TNRC6A: variants seen among roughly 807,000 people sequenced by gnomAD.
TNRC6A encodes the protein trinucleotide repeat-containing gene 6A protein.
TNRC6A carries 44 observed loss-of-function variants against 221.2 expected under a neutral mutation model. The ratio of observed to expected loss-of-function variants is 0.20; its 90% CI spans 0.16 to 0.26. The LOEUF (loss-of-function observed/expected upper bound fraction) is 0.26, where lower values mean the gene tolerates loss of function less well. Among genes scored for constraint, TNRC6A ranks in the 10% least tolerant of loss-of-function variants. The probability of loss-of-function intolerance (pLI) is 1.00; values close to 1 mark genes in which losing one functional copy is unlikely to be tolerated. For synonymous variants in TNRC6A, 847 were observed against 838.5 expected (o/e 1.01, Z -0.18); for missense variants, 2,199 against 2,404.4 (o/e 0.91, Z 1.79).
chr16:24,819,460 G>C (rs1366296993), intron 21 of TNRC6A: 3 of 145,836 alleles, frequency 2.1e-5, no homozygotes, highest in African/African-American at 5.1e-5. Context: ...TTCTCTCTCT[G>C]TCTTTCCTTC....
chr16:24,817,254 ATTAAT>A (rs937445178), intron 20 of TNRC6A, among the ~76,000 whole-genome samples: 1 of 152,196 alleles, frequency 6.6e-6, no homozygotes, highest in Non-Finnish European at 1.5e-5. Context: ...AAATATATAT[ATTAAT>A]TTAATAAGTT....
At chr16:24,613,264 A>G (rs566678293) in intron 1 of TNRC6A, among the ~76,000 whole-genome samples, 1 of 151,724 alleles carries the variant, frequency 6.6e-6, no homozygotes, top group East Asian at 1.9e-4. Flanking sequence ...GTAAGGGTCA[A>G]CCAGGTGGCG....
intron 2 of TNRC6A, among the ~76,000 whole-genome samples, chr16:24,689,455 T>A (rs72768634): frequency 0.023 from 3,439 of 152,306 alleles, 87 homozygotes; most frequent in Non-Finnish European, 0.032. Flanking sequence ...CGCACATTGA[T>A]GAGAATTCTT....
intron 2 of TNRC6A, among the ~76,000 whole-genome samples, chr16:24,694,774 A>T (rs2055825423): frequency 6.6e-6 from 1 of 150,930 alleles, no homozygotes; most frequent in Admixed American, 6.6e-5. Context: ...TCTCTACAAA[A>T]ATGTAAAAAT....
intron 2 of TNRC6A, among the ~76,000 whole-genome samples, chr16:24,705,333 A>T (rs984470899): frequency 4.2e-5 from 6 of 143,392 alleles, no homozygotes; most frequent in Non-Finnish European, 7.7e-5. Context: ...TATTAGATGA[A>T]TTTTTTTTTT....
chr16:24,736,640 T>A (rs2056774904), intron 2 of TNRC6A, among the ~76,000 whole-genome samples: 1 of 152,238 alleles, frequency 6.6e-6, no homozygotes, highest in African/African-American at 2.4e-5. Flanking sequence ...AGGTTCAGGT[T>A]GACCCTTTTT....
At chr16:24,798,149 A>C (rs1422531779) in intron 11 of TNRC6A, 183 bp downstream of exon 11, 3 of 456,948 alleles carry the variant, frequency 6.6e-6, no homozygotes, top group Non-Finnish European at 1.2e-5. Context: ...TGTGCAGATC[A>C]GTGGTGATAT....
intron 2 of TNRC6A, among the ~76,000 whole-genome samples, chr16:24,714,193 A>G (rs1369761853): frequency 6.7e-6 from 1 of 149,866 alleles, no homozygotes; most frequent in Non-Finnish European, 1.5e-5. Flanking sequence ...TGATCTGTTC[A>G]TTTCACATTG....
At chr16:24,699,852 A>C (rs1395497564) in intron 2 of TNRC6A, among the ~76,000 whole-genome samples, 1 of 152,130 alleles carries the variant, frequency 6.6e-6, no homozygotes, top group East Asian at 1.9e-4. Context: ...GAGGGGTAAG[A>C]ATTATTAATT....
intron 3 of TNRC6A, among the ~76,000 whole-genome samples, chr16:24,756,641 A>G (rs1217355289): frequency 6.6e-6 from 1 of 152,182 alleles, no homozygotes; most frequent in Non-Finnish European, 1.5e-5. Context: ...CTAAAAGAGC[A>G]ACATGGTATA....
At position 24,809,218 on chromosome 16, in the gene TNRC6A, TA is replaced by T. The variant is rs544208599; in HGVS notation, c.4541-129del. 154 of 798,548 alleles carry T rather than the reference TA, an allele frequency of 1.9e-4. 1 individual carries two copies. In the African/African-American group the frequency reaches 2.5e-3, roughly 13 times the overall value. The allele number at this position is 798,548 out of a possible 1,614,324, so 49.5% of individuals were successfully genotyped here. ...TGGAGAAATATTTTCTACGTATAAC[TA>T]AATTATAGTATTAACAGTTATGTGG... On this transcript the variant is annotated intron_variant, in intron 17 of 24. Transcript: ENST00000395799.
chr16:24,752,859 A>G (rs2057167951), intron 3 of TNRC6A, among the ~76,000 whole-genome samples: 1 of 152,154 alleles, frequency 6.6e-6, no homozygotes, highest in Non-Finnish European at 1.5e-5. Context: ...ATAAGTCAGA[A>G]TGTATGTGAA....
At position 24,789,833 on chromosome 16, in the gene TNRC6A, T is replaced by G. The variant is rs760837190; in HGVS notation, c.1191T>G (p.Thr397=). 3.7e-6 allele frequency: 6 copies of G among 1,614,072 alleles called. No individual in the cohort carries two copies. The African/African-American group carries it at 8.0e-5, about 22-fold the overall frequency. The change falls in exon 6 of 25, where the codon ACT becomes ACG. Residue 397 remains threonine (T), a synonymous_variant. Transcript: ENST00000395799. ...GSSGINIQCS[T]IGQMPNNQSI... ...CTGGCATTAATATTCAGTGCAGTAC[T>G]ATAGGCCAGATGCCTAACAATCAGA... is the stretch of plus-strand genomic sequence containing the variant.
rs1440009295 is a variant in TNRC6A, at chr16:24,824,077, A to G, written c.*270A>G. The G allele has an allele frequency of 4.2e-6, 1 of 235,400 alleles. No individual in the cohort carries two copies. Among genetic ancestry groups the G allele is most frequent in the Non-Finnish European group, 7.9e-6 (1 of 126,606 alleles). The allele number at this position is 235,400 out of a possible 1,614,324, so 14.6% of individuals were successfully genotyped here. On this transcript the variant is annotated 3_prime_UTR_variant, in exon 25 of 25. Coordinates refer to ENST00000395799, the MANE Select transcript of TNRC6A (RefSeq NM_014494.4). ...ATGAGCTCGCTTGTGTCTATTCATC[A>G]TGTTTAGCCTTTGGATTCTTTTTTT...
Position 24,653,503 on chromosome 16 carries a change from C to T in TNRC6A, n.402+12494C>T, listed in dbSNP as rs529218155. Among the ~76,000 whole-genome samples the T allele has an allele frequency of 8.9e-4, 136 of 152,248 alleles. No homozygotes were observed. The Middle Eastern group carries it at 0.02, about 23-fold the overall frequency. ...AAATACTTCTATTAACTGCCAGGCG[C>T]GGTGGCTCATGCCTGTAATCCCAGC... On this transcript the variant is annotated intron_variant and non_coding_transcript_variant, in intron 2 of 2. Transcript: ENST00000566108.
chr16:24,630,274 A>G (rs1453211311), intron 1 of TNRC6A, among the ~76,000 whole-genome samples: 9 of 152,062 alleles, frequency 5.9e-5, no homozygotes, highest in Non-Finnish European at 1.3e-4. Context: ...CTGCTCAGGG[A>G]CTCTGCTCCT....
intron 1 of TNRC6A, among the ~76,000 whole-genome samples, chr16:24,627,880 G>C (rs1901112538): frequency 1.3e-5 from 2 of 150,648 alleles, no homozygotes; most frequent in Admixed American, 1.3e-4. Context: ...TGCATTTTTA[G>C]TAGAGATGGG....
chr16:24,656,271 T>C (rs944140284), intron 2 of TNRC6A, among the ~76,000 whole-genome samples: 2 of 151,878 alleles, frequency 1.3e-5, no homozygotes, highest in Non-Finnish European at 2.9e-5. Context: ...GAAACCAGCC[T>C]GGCCAACATG....
chr16:24,791,375 T>C lies in TNRC6A; in HGVS notation c.2733T>C (p.Asp911=). The change falls in exon 6 of 25, where the codon GAT becomes GAC. Residue 911 remains aspartate, a synonymous_variant. Transcript: ENST00000395799. ...NINPNNSSGW[D]ESSKPTPSQG... ...ATCCAAATAATTCATCAGGATGGGA[T>C]GAATCTTCTAAACCTACTCCTTCCC... is the stretch of plus-strand genomic sequence containing the variant. 6.3e-7 allele frequency: 1 copy of C among 1,588,580 alleles called. No individual in the cohort carries two copies. Among genetic ancestry groups the C allele is most frequent in the Non-Finnish European group, 8.6e-7 (1 of 1,167,624 alleles).
Sources: allele counts gnomAD v4.1 joint callset (sites outside exome capture counted in the v4.1 genomes callset), GRCh38; gene constraint gnomAD v4.1.1; transcripts MANE v1.5; gene names NCBI Gene and HGNC (gene_info 2026-07-23, HGNC 2026-07-21).